Variants in MOB3B observed in about 807,000 individuals in gnomAD.
The protein encoded by MOB3B is MOB kinase activator-like 2B.
Under a neutral mutation model 18.7 loss-of-function variants are expected in MOB3B, and 7 were observed. The ratio of observed to expected loss-of-function variants is 0.37; its 90% confidence interval spans 0.21 to 0.70. MOB3B has a LOEUF of 0.70. Among genes scored for constraint, MOB3B ranks in the 30% least tolerant of loss-of-function variants. MOB3B has a pLI of 0.52. For missense variants in MOB3B, 253 were observed against 281.3 expected, an observed-to-expected ratio of 0.90 and a Z score of 0.72; for synonymous variants, 111 against 99.9, an observed-to-expected ratio of 1.11 and a Z score of -0.66.
In MOB3B at chr9:27,326,913, A is replaced by T. The variant is rs1166000612; in HGVS notation, c.*3674T>A. 1 of 207,726 alleles carries T rather than the reference A, an allele frequency of 4.8e-6. No homozygotes were observed. Among genetic ancestry groups the T allele is most frequent in the East Asian group, 1.0e-4 (1 of 9,762 alleles). 12.9% of individuals were successfully genotyped at this position (207,726 alleles called of 1,614,324 possible). A position where few individuals can be genotyped will look rare whatever the true frequency, so the allele number is the denominator to read the frequency against. Reference sequence around the variant, plus strand: ...GTCACAACTCACTGTACTATCTAAGAGTTTTCCCAAAAAAACCATCTGACA... The same window carrying T: ...GTCACAACTCACTGTACTATCTAAGTGTTTTCCCAAAAAAACCATCTGACA... On this transcript the variant is annotated 3_prime_UTR_variant, in exon 4 of 4. Coordinates refer to ENST00000262244, the MANE Select transcript of MOB3B (RefSeq NM_024761.5).
chr9:27,516,267 A>G (rs1252720311), intron 1 of MOB3B, among the ~76,000 whole-genome samples: 2 of 152,220 alleles, frequency 1.3e-5, no homozygotes, highest in Non-Finnish European at 2.9e-5. Flanking sequence ...TGGCAACCCT[A>G]GGAAATGAAT....
Position 27,476,980 on chromosome 9 carries a change from G to A in MOB3B, c.-198-21232C>T, listed in dbSNP as rs190628863. On this transcript the variant is annotated intron_variant, in intron 1 of 3. Transcript: ENST00000262244. ...CAGCACAGCCCTGTAGGATGCTTCC[G>A]CTCACCCTCCTCCCTCCCGTCTTCT... Among the ~76,000 whole-genome samples, 150 of 152,160 alleles carry A rather than the reference G, an allele frequency of 9.9e-4. 1 individual carries two copies. Among genetic ancestry groups the A allele is most frequent in the Non-Finnish European group, 1.6e-3 (111 of 67,994 alleles).
chr9:27,403,953 C>T (rs550164923), intron 2 of MOB3B, among the ~76,000 whole-genome samples: 8 of 152,270 alleles, frequency 5.3e-5, no homozygotes, highest in African/African-American at 1.9e-4. Context: ...AAATTCCACT[C>T]TTTTAGTTAT....
chr9:27,469,061 T>TA (rs1819432609), intron 1 of MOB3B, among the ~76,000 whole-genome samples: 2 of 152,132 alleles, frequency 1.3e-5, no homozygotes, highest in African/African-American at 4.8e-5. Flanking sequence ...GTGCTTTGTT[T>TA]AAAAAATAAG....
At chr9:27,342,223 T>C (rs906957278) in intron 3 of MOB3B, among the ~76,000 whole-genome samples, 2 of 152,210 alleles carry the variant, frequency 1.3e-5, no homozygotes, top group African/African-American at 4.8e-5. Context: ...TGAGACTCTC[T>C]AGTTTTGACC....
At chr9:27,454,716 A>G (rs1272751513) in intron 2 of MOB3B, among the ~76,000 whole-genome samples, 1 of 152,204 alleles carries the variant, frequency 6.6e-6, no homozygotes, top group Non-Finnish European at 1.5e-5. Flanking sequence ...TTGATCCCCA[A>G]ACAAATCTAT....
intron 2 of MOB3B, among the ~76,000 whole-genome samples, chr9:27,446,557 C>T (rs911354290): frequency 2.0e-5 from 3 of 152,196 alleles, no homozygotes; most frequent in Non-Finnish European, 4.4e-5. Context: ...ATCAACTCCA[C>T]AGCCAAATGC....
At chr9:27,524,291 T>A in intron 1 of MOB3B, 1 of 1,544,518 alleles carries the variant, frequency 6.5e-7, no homozygotes, top group East Asian at 2.3e-5. Flanking sequence ...ACTCAAAACA[T>A]CATTGTCATA....
chr9:27,355,584 G>C (rs185610087), intron 3 of MOB3B, among the ~76,000 whole-genome samples: 1 of 147,852 alleles, frequency 6.8e-6, no homozygotes, highest in East Asian at 2.0e-4. Context: ...TTTTGAGACG[G>C]AGTCTCGCTC....
intron 2 of MOB3B, among the ~76,000 whole-genome samples, chr9:27,388,314 C>T (rs1821674731): frequency 6.6e-6 from 1 of 152,196 alleles, no homozygotes; most frequent in Admixed American, 6.5e-5. Context: ...ACTAAGCACT[C>T]TCAGCTCCCA....
At chr9:27,473,499 G>A (rs1819505122) in intron 1 of MOB3B, among the ~76,000 whole-genome samples, 1 of 152,094 alleles carries the variant, frequency 6.6e-6, no homozygotes. Flanking sequence ...GGGACCTGTT[G>A]CCCTGAGAGC....
At chr9:27,466,819 G>C (rs12551344) in intron 1 of MOB3B, among the ~76,000 whole-genome samples, 46,241 of 151,858 alleles carry the variant, frequency 0.3, 8,037 homozygotes, top group Non-Finnish European at 0.4. Context: ...TCTCCCCTTG[G>C]GTCCGTCCTA....
At chr9:27,513,158 TG>T (rs1196764265) in intron 1 of MOB3B, among the ~76,000 whole-genome samples, 1 of 152,240 alleles carries the variant, frequency 6.6e-6, no homozygotes, top group Non-Finnish European at 1.5e-5. Context: ...ACATTATCAA[TG>T]GTACTTCTGG....
intron 2 of MOB3B, among the ~76,000 whole-genome samples, chr9:27,401,952 C>T (rs1203177702): frequency 2.6e-5 from 4 of 152,134 alleles, no homozygotes; most frequent in Non-Finnish European, 5.9e-5. Context: ...AACAGCCTAG[C>T]GCATAATGTG....
intron 2 of MOB3B, among the ~76,000 whole-genome samples, chr9:27,443,509 T>C (rs1253554623): frequency 6.6e-6 from 1 of 152,208 alleles, no homozygotes; most frequent in Non-Finnish European, 1.5e-5. Flanking sequence ...TATTCTTAAA[T>C]ATCAGGATTT....
At chr9:27,493,485 A>G (rs1415808699) in intron 1 of MOB3B, among the ~76,000 whole-genome samples, 2 of 152,080 alleles carry the variant, frequency 1.3e-5, no homozygotes, top group African/African-American at 4.8e-5. Flanking sequence ...CTAAAAATAC[A>G]AGAAAATTAG....
intron 1 of MOB3B, among the ~76,000 whole-genome samples, chr9:27,464,841 G>A (rs150737084): frequency 9.9e-5 from 15 of 152,202 alleles, no homozygotes; most frequent in East Asian, 3.9e-4. Context: ...ATCAGATCTC[G>A]TGAGACTTAT....
rs1820716183 is a variant in MOB3B, at chr9:27,326,664, C to A, written c.*3923G>T. 2.5e-6 allele frequency: 1 copy of A among 398,032 alleles called. No individual in the cohort carries two copies. The highest frequency in any genetic ancestry group is 4.4e-6 in the Non-Finnish European group (1 of 225,932). The allele number at this position is 398,032 out of a possible 1,614,324, so 24.7% of individuals were successfully genotyped here. ...AAGAAACCTCTCAAAGTTTCTTCCA[C>A]TTAACCTGGCTCTGAGACTCTGGGT... On this transcript the variant is annotated 3_prime_UTR_variant, in exon 4 of 4. Coordinates refer to ENST00000262244, the MANE Select transcript of MOB3B (RefSeq NM_024761.5).
At chr9:27,346,148 G>GAGAATGCA (rs149924547) in intron 3 of MOB3B, among the ~76,000 whole-genome samples, 1 of 152,312 alleles carries the variant, frequency 6.6e-6, no homozygotes, top group Non-Finnish European at 1.5e-5. Context: ...TCTGCCATGT[G>GAGAATGCA]AGAATGCAGT....
Sources: allele counts gnomAD v4.1 joint callset (sites outside exome capture counted in the v4.1 genomes callset), GRCh38; gene constraint gnomAD v4.1.1; transcripts MANE v1.5; gene names NCBI Gene and HGNC (gene_info 2026-07-23, HGNC 2026-07-21).